Variants in RAD51B observed in about 807,000 individuals in gnomAD.
RAD51B encodes RAD51 paralog B, also known as DNA repair protein RAD51 homolog 2.
In RAD51B, 38 loss-of-function variants were observed where a neutral mutation model predicts 42.2. The ratio of observed to expected loss-of-function variants is 0.90; its 90% confidence interval spans 0.70 to 1.18. The LOEUF (loss-of-function observed/expected upper bound fraction) is 1.18, where lower values mean the gene tolerates loss of function less well. Ranked by LOEUF, RAD51B falls within the 50% of genes most tolerant of loss-of-function variation. RAD51B has a pLI of 0.00. For synonymous variants in RAD51B, 154 were observed against 145.2 expected (o/e 1.06, Z -0.43); for missense variants, 373 against 400.7 (o/e 0.93, Z 0.59).
At chr14:68,288,907 G>T (rs928319208) in intron 7 of RAD51B, among the ~76,000 whole-genome samples, 3 of 152,090 alleles carry the variant, frequency 2.0e-5, no homozygotes, top group African/African-American at 7.2e-5. Flanking sequence ...TTTTAACTAA[G>T]ATAGACAAAT....
intron 4 of RAD51B, 68 bp from the exon 5 acceptor site, chr14:67,864,935 C>A: frequency 3.1e-6 from 4 of 1,296,140 alleles, no homozygotes; most frequent in Non-Finnish European, 3.9e-6. Context: ...TTTGCTTTGA[C>A]TGGCTTGTGA....
intron 5 of RAD51B, among the ~76,000 whole-genome samples, chr14:67,884,698 T>C (rs894760183): frequency 1.3e-5 from 2 of 152,230 alleles, no homozygotes; most frequent in African/African-American, 4.8e-5. Context: ...ATTTGATCCA[T>C]TTTATTCTCA....
chr14:68,411,593 G>A (rs936478134), intron 9 of RAD51B, 66 bp downstream of exon 9: 2 of 1,469,970 alleles, frequency 1.4e-6, no homozygotes, highest in African/African-American at 2.8e-5. Context: ...AGCAATCTGA[G>A]CGTCTTCTGA....
rs150460293 is a variant in RAD51B at position 67,864,868 on chromosome 14, T to C, written c.316-135T>C. ...ATACAATGGATGTCTTGGGCTTAAT[T>C]CTCTCCTGGGAACCCAGGTTAGTTG... is the stretch of plus-strand genomic sequence containing the variant. On this transcript the variant is annotated intron_variant, in intron 4 of 10. Transcript: ENST00000471583. 4.5e-6 allele frequency: 6 copies of C among 1,333,070 alleles called. No individual in the cohort carries two copies. The East Asian group carries it at 1.0e-4, about 23-fold the overall frequency. The allele number at this position is 1,333,070 out of a possible 1,614,324, so 82.6% of individuals were successfully genotyped here.
chr14:67,898,473 T>C (rs536430199), intron 7 of RAD51B, among the ~76,000 whole-genome samples: 6 of 152,188 alleles, frequency 3.9e-5, no homozygotes, highest in Non-Finnish European at 5.9e-5. Flanking sequence ...GTAAAAGTTT[T>C]AGTTACACAA....
chr14:68,507,610 G>A (rs1327923764), intron 10 of RAD51B, among the ~76,000 whole-genome samples: 1 of 152,162 alleles, frequency 6.6e-6, no homozygotes, highest in Non-Finnish European at 1.5e-5. Context: ...CTGGGCACGT[G>A]ACCTCCTCAG....
chr14:68,574,495 G>A (rs1260789768), intron 10 of RAD51B, among the ~76,000 whole-genome samples: 3 of 152,142 alleles, frequency 2.0e-5, no homozygotes, highest in Non-Finnish European at 4.4e-5. Flanking sequence ...ATCCAACTGA[G>A]ACATCTTTGT....
intron 7 of RAD51B, among the ~76,000 whole-genome samples, chr14:68,027,265 C>A (rs1024273768): frequency 1.3e-5 from 2 of 152,008 alleles, no homozygotes; most frequent in African/African-American, 4.8e-5. Context: ...CTCTAGCTGC[C>A]TTTACAATTT....
intron 7 of RAD51B, among the ~76,000 whole-genome samples, chr14:67,982,258 G>A (rs1190180231): frequency 6.6e-6 from 1 of 151,974 alleles, no homozygotes; most frequent in Non-Finnish European, 1.5e-5. Flanking sequence ...TTAAATATGT[G>A]CAGCTTTTTA....
chr14:68,157,022 C>T (rs990965534), intron 7 of RAD51B, among the ~76,000 whole-genome samples: 2 of 152,162 alleles, frequency 1.3e-5, no homozygotes, highest in African/African-American at 2.4e-5. Flanking sequence ...CATGGTGAAA[C>T]GCTGTCTCTA....
At chr14:67,936,476 T>C (rs2140169827) in intron 7 of RAD51B, among the ~76,000 whole-genome samples, 1 of 152,352 alleles carries the variant, frequency 6.6e-6, no homozygotes, top group East Asian at 1.9e-4. Flanking sequence ...ATAGAACTCA[T>C]TTTGTTTATC....
At chr14:68,648,117 ATATATATACACACACG>A (rs1566963588) in intron 10 of RAD51B, among the ~76,000 whole-genome samples, 1 of 90,326 alleles carries the variant, frequency 1.1e-5, no homozygotes, top group Admixed American at 1.2e-4. Flanking sequence ...ACACACGTAT[ATATATATACACACACG>A]TATATATATA....
rs533397452 is a variant in RAD51B at position 68,272,963 on chromosome 14, C to T, written c.757-18921C>T. Among the ~76,000 whole-genome samples the T allele has an allele frequency of 6.6e-5, 10 of 151,652 alleles. No homozygotes were observed. The East Asian group carries it at 1.8e-3, about 27-fold the overall frequency. On this transcript the variant is annotated intron_variant, in intron 7 of 10. Coordinates refer to ENST00000471583, the MANE Select transcript of RAD51B (RefSeq NM_133510.4). The stretch of plus-strand genomic sequence containing the variant: ...CCTCCCAAAGTGCTGGGATTACAGG[C>T]GTGAGCCACTGCGCCTGGCCCAACA...
intron 7 of RAD51B, among the ~76,000 whole-genome samples, chr14:68,054,698 C>G (rs1357892936): frequency 6.6e-6 from 1 of 152,180 alleles, no homozygotes; most frequent in Non-Finnish European, 1.5e-5. Flanking sequence ...TGGTTTTAGT[C>G]TGAGGACATA....
At chr14:68,121,924 A>G (rs2077658731) in intron 7 of RAD51B, among the ~76,000 whole-genome samples, 1 of 151,922 alleles carries the variant, frequency 6.6e-6, no homozygotes, top group Non-Finnish European at 1.5e-5. Flanking sequence ...ATAAATGTGG[A>G]AGGAGTATAA....
downstream of RAD51B, among the ~76,000 whole-genome samples, chr14:68,482,128 T>C (rs1262382760): frequency 6.6e-6 from 1 of 151,708 alleles, no homozygotes; most frequent in Non-Finnish European, 1.5e-5. Flanking sequence ...CTGAAAGTAA[T>C]TACTTTTACT....
intron 8 of RAD51B, among the ~76,000 whole-genome samples, chr14:68,302,941 C>T (rs1261023512): frequency 6.6e-6 from 1 of 152,212 alleles, no homozygotes; most frequent in African/African-American, 2.4e-5. Context: ...ATGAACATGT[C>T]ACAGTGCTGC....
At chr14:68,394,754 C>A (rs1396841491) in intron 8 of RAD51B, among the ~76,000 whole-genome samples, 1 of 152,224 alleles carries the variant, frequency 6.6e-6, no homozygotes, top group African/African-American at 2.4e-5. Context: ...GCCCGGGCTC[C>A]TGTCCTTTAC....
intron 10 of RAD51B, among the ~76,000 whole-genome samples, chr14:68,631,064 A>T (rs1437239934): frequency 6.6e-6 from 1 of 152,230 alleles, no homozygotes. Context: ...AGGCACGCTG[A>T]AAGTGGGATT....
Sources: gnomAD v4.1 joint callset for allele counts (sites outside exome capture counted in the v4.1 genomes callset) on GRCh38, gnomAD v4.1.1 for gene constraint, MANE v1.5 for transcripts, NCBI Gene and HGNC (gene_info 2026-07-23, HGNC 2026-07-21) for gene names.